Variants in DAP3 observed in about 807,000 individuals in gnomAD.
DAP3 encodes the protein small ribosomal subunit protein mS29.
DAP3 carries 28 observed loss-of-function variants against 51.9 expected under a neutral mutation model. That is an observed-to-expected ratio of 0.54 (90% CI 0.40 to 0.74). DAP3 has a LOEUF of 0.74. Ranked by LOEUF, DAP3 falls within the 30% of genes least tolerant of loss-of-function variation. The pLI is 0.00. For missense variants in DAP3, 458 were observed against 483.5 expected (o/e 0.95, Z 0.49); for synonymous variants, 170 against 170.3 (o/e 1.00, Z 0.01).
chr1:155,705,589 C>T (rs1429976091), intron 1 of DAP3, among the ~76,000 whole-genome samples: 4 of 134,068 alleles, frequency 3.0e-5, no homozygotes, highest in South Asian at 2.3e-4. Context: ...GGCAATGGAG[C>T]GAGACCCTGT....
In DAP3 at chr1:155,689,131, C is replaced by A. The variant is rs1251428108; in HGVS notation, c.-51C>A. Reference sequence around the variant, plus strand: ...GCGCTTTGGAGCCGGCCCCAGGCAGCGTGTGTCGGTCGCCTAGTCTGGAGA... The same window carrying A: ...GCGCTTTGGAGCCGGCCCCAGGCAGAGTGTGTCGGTCGCCTAGTCTGGAGA... On this transcript the variant is annotated 5_prime_UTR_variant, in exon 1 of 13. Coordinates refer to ENST00000368336, the MANE Select transcript of DAP3 (RefSeq NM_004632.4). The A allele has an allele frequency of 3.1e-6, 3 of 979,518 alleles. No individual in the cohort carries two copies. Among genetic ancestry groups the A allele is most frequent in the Non-Finnish European group, 4.7e-6 (3 of 644,300 alleles). The allele number at this position is 979,518 out of a possible 1,614,324, so 60.7% of individuals were successfully genotyped here. A position where few individuals can be genotyped will look rare whatever the true frequency, so the allele number is the denominator to read the frequency against.
At chr1:155,688,266 C>A, upstream of DAP3, 1 of 1,598,954 alleles carries the variant, frequency 6.3e-7, no homozygotes, top group South Asian at 1.1e-5. Flanking sequence ...TGAGAGGAGG[C>A]GGATCCCGCA....
chr1:155,688,443 C>G (rs1653006315), upstream of DAP3: 1 of 1,548,606 alleles, frequency 6.5e-7, no homozygotes, highest in South Asian at 1.2e-5. Context: ...CACGGTCCCC[C>G]GCTTCGCCCG....
rs756871642 is a variant in DAP3 at position 155,736,948 on chromosome 1, A to G, written c.996A>G (p.Glu332=). The change falls in exon 12 of 13, where the codon GAA becomes GAG. Residue 332 remains glutamate, a splice_region_variant and synonymous_variant. Transcript: ENST00000368336. ...TCCTGATCCTTTTTCTTCCCCAGGA[A>G]GGATTTGATGCCCTGGATCCCTTTA... ...AYLPQELLGK[E]GFDALDPFIP... The G allele has an allele frequency of 1.9e-6, 3 of 1,610,752 alleles. No homozygotes were observed. In the South Asian group the frequency reaches 3.3e-5, roughly 18 times the overall value.
chr1:155,688,468 G>C, upstream of DAP3: 1 of 1,549,784 alleles, frequency 6.5e-7, no homozygotes, highest in Non-Finnish European at 8.7e-7. Flanking sequence ...CGGCCATGTA[G>C]CGCGCACGTC....
upstream of DAP3, chr1:155,688,630 C>T: frequency 6.5e-7 from 1 of 1,534,588 alleles, no homozygotes; most frequent in South Asian, 1.2e-5. Context: ...CCCTGTCAAG[C>T]CGGCTCCAGC....
chr1:155,715,202 CAA>C (rs113796623), intron 2 of DAP3, among the ~76,000 whole-genome samples: 83 of 89,208 alleles, frequency 9.3e-4, no homozygotes, highest in African/African-American at 2.7e-3. Flanking sequence ...GACTCCATCT[CAA>C]AAAAAAAAAA....
intron 1 of DAP3, among the ~76,000 whole-genome samples, chr1:155,705,547 G>A (rs1655853674): frequency 6.7e-6 from 1 of 149,102 alleles, no homozygotes; most frequent in Non-Finnish European, 1.5e-5. Context: ...AGGCTACAGT[G>A]TGCTGTGATC....
intron 2 of DAP3, among the ~76,000 whole-genome samples, chr1:155,712,289 CAT>C (rs1656804585): frequency 2.0e-5 from 3 of 152,128 alleles, no homozygotes; most frequent in Admixed American, 1.3e-4. Context: ...TGAGTGATAA[CAT>C]ATATAAAACT....
At chr1:155,688,914 T>A, upstream of DAP3, 3 of 1,613,024 alleles carry the variant, frequency 1.9e-6, no homozygotes, top group Non-Finnish European at 2.5e-6. Context: ...GCCGGCCGAG[T>A]CCCATGACAA....
chr1:155,692,057 G>A (rs548234525), intron 1 of DAP3, among the ~76,000 whole-genome samples: 1 of 141,760 alleles, frequency 7.1e-6, no homozygotes, highest in Non-Finnish European at 1.5e-5. Flanking sequence ...GAAGCAGTAC[G>A]TCATACACAT....
intron 1 of DAP3, among the ~76,000 whole-genome samples, chr1:155,707,087 A>G (rs372102054): frequency 2.3e-4 from 29 of 126,584 alleles, no homozygotes; most frequent in African/African-American, 6.5e-4. Flanking sequence ...GCGAAACTCC[A>G]TCTCAAAAAA....
chr1:155,688,801 T>G (rs749575750), upstream of DAP3: 7 of 1,551,608 alleles, frequency 4.5e-6, no homozygotes, highest in Admixed American at 6.0e-5. Context: ...CCTCCCACAG[T>G]CCCCACCGCG....
intron 1 of DAP3, among the ~76,000 whole-genome samples, chr1:155,690,915 A>T (rs551497185): frequency 1.4e-5 from 2 of 138,302 alleles, no homozygotes; most frequent in African/African-American, 3.3e-5. Flanking sequence ...AATTTATTTT[A>T]TTTTTTTTTT....
chr1:155,709,876 G>C, intron 2 of DAP3, 52 bp downstream of exon 2: 1 of 1,564,364 alleles, frequency 6.4e-7, no homozygotes, highest in Non-Finnish European at 8.7e-7. Flanking sequence ...TAGGTTCCCA[G>C]ATTCTTGTTT....
intron 1 of DAP3, among the ~76,000 whole-genome samples, chr1:155,692,680 T>A (rs77625214): frequency 7.0e-6 from 1 of 142,038 alleles, no homozygotes. Flanking sequence ...AAAATTTCCA[T>A]CCCTTTCTTC....
intron 10 of DAP3, among the ~76,000 whole-genome samples, chr1:155,731,737 A>G (rs1659259615): frequency 6.6e-6 from 1 of 152,184 alleles, no homozygotes; most frequent in Non-Finnish European, 1.5e-5. Flanking sequence ...GAGACCCACA[A>G]ATATGTCATG....
intron 4 of DAP3, 24 bp from the exon 5 acceptor site, chr1:155,725,358 T>G: frequency 6.3e-7 from 1 of 1,594,574 alleles, no homozygotes; most frequent in Admixed American, 1.7e-5. Context: ...CCACCCACTC[T>G]TTCCTTCTTT....
In DAP3 at chr1:155,738,250, T is replaced by C; in HGVS notation, c.*8T>C. On this transcript the variant is annotated 3_prime_UTR_variant, in exon 13 of 13. Transcript: ENST00000368336. ...CACTGTGCCTACCTCTAAGCCAAGATCACAGCATGTGAGGAAGACAGTGGA... is the reference window on the plus strand; with the variant it reads ...CACTGTGCCTACCTCTAAGCCAAGACCACAGCATGTGAGGAAGACAGTGGA... 3.1e-6 allele frequency: 5 copies of C among 1,614,104 alleles called. No homozygotes were observed. The highest frequency in any genetic ancestry group is 4.2e-6 in the Non-Finnish European group (5 of 1,179,998).
Sources: gnomAD v4.1 joint callset for allele counts (sites outside exome capture counted in the v4.1 genomes callset) on GRCh38, gnomAD v4.1.1 for gene constraint, MANE v1.5 for transcripts, NCBI Gene and HGNC (gene_info 2026-07-23, HGNC 2026-07-21) for gene names.